HNRNPA1L2: variants seen among roughly 807,000 people sequenced by gnomAD.
HNRNPA1L2 encodes heterogeneous nuclear ribonucleoprotein A1 like 2, also known as heterogeneous nuclear ribonucleoprotein A1-like 2.
HNRNPA1L2 carries 10 observed loss-of-function variants against 18.2 expected under a neutral mutation model. That is an observed-to-expected ratio of 0.55 (90% CI 0.34 to 0.93). The LOEUF (loss-of-function observed/expected upper bound fraction) is 0.93, where lower values mean the gene tolerates loss of function less well. HNRNPA1L2 is among the 40% of genes least tolerant of loss of function. The pLI is 0.02. For missense variants in HNRNPA1L2, 308 were observed against 394.4 expected (o/e 0.78, Z 1.85); for synonymous variants, 124 against 138.6 (o/e 0.89, Z 0.74).
chr13:52,621,384 G>T, the HNRNPA1L2 span, among the ~76,000 whole-genome samples: 1 of 151,808 alleles, frequency 6.6e-6, no homozygotes, highest in Non-Finnish European at 1.5e-5. Flanking sequence ...GACCCACTCA[G>T]TTTTTTTTAA....
the HNRNPA1L2 span, among the ~76,000 whole-genome samples, chr13:52,626,388 C>T: frequency 1.5e-3 from 220 of 145,374 alleles, 2 homozygotes; most frequent in Middle Eastern, 7.4e-3. Context: ...CCCAGGACTT[C>T]GAGGCCAGAC....
rs183579645 is a variant in HNRNPA1L2, at chr13:52,643,100, G to A, written c.608G>A (p.Gly203Asp). Residue 203 changes from glycine (G) to aspartate (D), a missense_variant, in exon 1 of 1, where the codon GGT becomes GAT. Transcript: ENST00000357495. ...QRGRRGSGNFGGGRGDGFGGN... is the reference protein window; with the variant it reads ...QRGRRGSGNFDGGRGDGFGGN... ...GGTCGAAGGGGTTCTGGAAACTTTGGTGGTGGTCGTGGAGATGGTTTCGGT... is the reference window on the plus strand; with the variant it reads ...GGTCGAAGGGGTTCTGGAAACTTTGATGGTGGTCGTGGAGATGGTTTCGGT... The A allele has an allele frequency of 3.1e-6, 5 of 1,597,850 alleles. No homozygotes were observed. The highest frequency in any genetic ancestry group is 1.3e-5 in the African/African-American group (1 of 74,982).
the HNRNPA1L2 span, among the ~76,000 whole-genome samples, chr13:52,621,193 G>A: frequency 6.6e-6 from 1 of 152,152 alleles, no homozygotes; most frequent in Non-Finnish European, 1.5e-5. Flanking sequence ...TTTTGCATGA[G>A]TCTAGTATAG....
chr13:52,641,223 A>G (rs1182792881), upstream of HNRNPA1L2: 1 of 152,192 alleles, frequency 6.6e-6, no homozygotes, highest in Non-Finnish European at 1.5e-5. Context: ...TGCTGTTGTC[A>G]TTGTCCTTAA....
chr13:52,633,016 G>T, the HNRNPA1L2 span, among the ~76,000 whole-genome samples: 1 of 152,154 alleles, frequency 6.6e-6, no homozygotes, highest in African/African-American at 2.4e-5. Context: ...TACAGTTATT[G>T]ACATTGCTAG....
chr13:52,632,021 A>G, the HNRNPA1L2 span, among the ~76,000 whole-genome samples: 4 of 152,052 alleles, frequency 2.6e-5, no homozygotes, highest in African/African-American at 7.2e-5. Context: ...TTTAATTATA[A>G]TTTGTAATTA....
chr13:52,643,241 A>T lies in HNRNPA1L2; in HGVS notation c.749A>T (p.Asp250Val). 3 of 1,596,370 alleles carry T rather than the reference A, an allele frequency of 1.9e-6. No homozygotes were observed. The highest frequency in any genetic ancestry group is 1.7e-6 in the Non-Finnish European group (2 of 1,178,822). Residue 250 changes from aspartate to valine, a missense_variant, in exon 1 of 1, where the codon GAT becomes GTT. Coordinates refer to ENST00000357495, the MANE Select transcript of HNRNPA1L2 (RefSeq NM_001389320.1). ...GATGGCTATAATGGATTTGGTAATG[A>T]TGGAAGCAATTTTGGAGGTGGTGGA... is the stretch of plus-strand genomic sequence containing the variant. ...SGDGYNGFGN[D>V]GSNFGGGGSY...
Position 52,642,791 on chromosome 13 carries a change from C to G in HNRNPA1L2, c.299C>G (p.Ala100Gly), listed in dbSNP as rs1356231855. 3.8e-6 allele frequency: 6 copies of G among 1,596,078 alleles called. No individual in the cohort carries two copies. The South Asian group carries it at 6.6e-5, about 18-fold the overall frequency. ...AGAGAAGATTCTCAAAGACCAGGTG[C>G]CCACTTAACTGTGAAAAAGATATTT... is the stretch of plus-strand genomic sequence containing the variant. Reference protein sequence around the residue: ...VSREDSQRPGAHLTVKKIFVG... With the variant: ...VSREDSQRPGGHLTVKKIFVG... The change falls in exon 1 of 1, where the codon GCC becomes GGC. Residue 100 changes from alanine to glycine, a missense_variant. Coordinates refer to ENST00000357495, the MANE Select transcript of HNRNPA1L2 (RefSeq NM_001389320.1).
the HNRNPA1L2 span, among the ~76,000 whole-genome samples, chr13:52,625,658 T>G: frequency 3.9e-3 from 601 of 152,364 alleles, 3 homozygotes; most frequent in Middle Eastern, 6.8e-3. Context: ...TATTAAAATT[T>G]GAAAATGAAG....
the HNRNPA1L2 span, among the ~76,000 whole-genome samples, chr13:52,624,339 C>T: frequency 3.2e-4 from 49 of 152,140 alleles, no homozygotes; most frequent in Non-Finnish European, 5.7e-4. Context: ...GTCTTGAACT[C>T]CTGACTTTGT....
rs1161021439 is a variant in HNRNPA1L2, at chr13:52,642,838, A to G, written c.346A>G (p.Thr116Ala). 1.9e-6 allele frequency: 3 copies of G among 1,596,434 alleles called. No individual in the cohort carries two copies. The highest frequency in any genetic ancestry group is 2.7e-5 in the African/African-American group (2 of 74,850). ...KIFVGGIKEDTEEHHLRDYFE... is the reference protein window; with the variant it reads ...KIFVGGIKEDAEEHHLRDYFE... The stretch of plus-strand genomic sequence containing the variant: ...ATTTGTTGGTGGCATTAAAGAAGAC[A>G]CTGAAGAACATCACCTAAGAGATTA... Residue 116 changes from threonine to alanine, a missense_variant, in exon 1 of 1, where the codon ACT becomes GCT. Physicochemically the swap from Thr to Ala is moderately conservative, Grantham distance 58 (BLOSUM62 0). Coordinates refer to ENST00000357495, the MANE Select transcript of HNRNPA1L2 (RefSeq NM_001389320.1).
rs372863828 is a variant in HNRNPA1L2 at position 52,642,511 on chromosome 13, C to G, written c.19C>G (p.Pro7Ala). The change falls in exon 1 of 1, where the codon CCA (proline) becomes GCA (alanine). Residue 7 changes from proline (P) to alanine (A), a missense_variant. Physicochemically the swap from Pro to Ala is conservative, Grantham distance 27. Coordinates refer to ENST00000357495, the MANE Select transcript of HNRNPA1L2 (RefSeq NM_001389320.1). ...TGCCGTCATGTCTAAGTCAGCGTCT[C>G]CAAAAGAGCCCGAACAGCTGAGGAA... The part of the protein sequence containing the change: MSKSAS[P>A]KEPEQLRKLF... 3.1e-6 allele frequency: 5 copies of G among 1,611,802 alleles called. No homozygotes were observed. The highest frequency in any genetic ancestry group is 4.5e-5 in the East Asian group (2 of 44,884).
At chr13:52,617,636 T>C in the HNRNPA1L2 span, 2 of 470,510 alleles carry the variant, frequency 4.3e-6, no homozygotes, top group Non-Finnish European at 7.8e-6. Flanking sequence ...CCCGGAGACA[T>C]CAGCGGCTGC....
chr13:52,642,544 A>G lies in HNRNPA1L2; in HGVS notation c.52A>G (p.Ile18Val). The G allele has an allele frequency of 1.2e-6, 2 of 1,611,850 alleles. No homozygotes were observed. The highest frequency in any genetic ancestry group is 1.1e-5 in the South Asian group (1 of 90,958). The stretch of plus-strand genomic sequence containing the variant: ...GCCCGAACAGCTGAGGAAGCTCTTC[A>G]TTGGAGGGTTGAGCTTTGAAACAAC... ...KEPEQLRKLF[I>V]GGLSFETTDE... The change falls in exon 1 of 1, where the codon ATT becomes GTT. Residue 18 changes from isoleucine to valine, a missense_variant. Coordinates refer to ENST00000357495, the MANE Select transcript of HNRNPA1L2 (RefSeq NM_001389320.1).
chr13:52,636,752 T>C, the HNRNPA1L2 span, among the ~76,000 whole-genome samples: 1 of 152,252 alleles, frequency 6.6e-6, no homozygotes, highest in African/African-American at 2.4e-5. Flanking sequence ...TATTTTTTTT[T>C]CCAGTAGAAG....
the HNRNPA1L2 span, among the ~76,000 whole-genome samples, chr13:52,632,795 G>A: frequency 1.3e-5 from 2 of 152,172 alleles, 1 homozygote; most frequent in South Asian, 4.1e-4. Context: ...TCTCTAAACT[G>A]CTTTTAAGCT....
At chr13:52,620,800 C>A in the HNRNPA1L2 span, among the ~76,000 whole-genome samples, 1 of 151,886 alleles carries the variant, frequency 6.6e-6, no homozygotes, top group Non-Finnish European at 1.5e-5. Flanking sequence ...TCGCCGGAGC[C>A]TGGGGAAGTC....
the HNRNPA1L2 span, among the ~76,000 whole-genome samples, chr13:52,622,771 A>G: frequency 6.6e-5 from 10 of 152,158 alleles, no homozygotes; most frequent in Admixed American, 5.2e-4. Flanking sequence ...TCCTCAGAGC[A>G]TTGTAATTAC....
the HNRNPA1L2 span, among the ~76,000 whole-genome samples, chr13:52,636,635 C>T: frequency 2.0e-5 from 3 of 152,008 alleles, no homozygotes; most frequent in Non-Finnish European, 4.4e-5. Context: ...ACATTAGTGA[C>T]TAATTTTGAT....
Sources: gnomAD v4.1 joint callset for allele counts (sites outside exome capture counted in the v4.1 genomes callset) on GRCh38, gnomAD v4.1.1 for gene constraint, MANE v1.5 for transcripts, NCBI Gene and HGNC (gene_info 2026-07-23, HGNC 2026-07-21) for gene names.